Variants in TENM4 observed in about 807,000 individuals in gnomAD.
TENM4 encodes the protein teneurin transmembrane protein 4.
A neutral mutation model predicts 243.3 loss-of-function variants in TENM4; 82 were observed. The observed-to-expected ratio is 0.34, with a 90% CI of 0.28 to 0.40. The LOEUF is 0.40. TENM4 is among the 10% of genes least tolerant of loss of function. The probability of loss-of-function intolerance (pLI) is 1.00; values close to 1 mark genes in which losing one functional copy is unlikely to be tolerated. For synonymous variants in TENM4, 1,412 were observed against 1,456.3 expected, an observed-to-expected ratio of 0.97 and a Z score of 0.69; for missense variants, 3,138 against 3,673.3, an observed-to-expected ratio of 0.85 and a Z score of 3.77.
At chr11:79,090,686 G>A (rs1045706105) in intron 4 of TENM4, among the ~76,000 whole-genome samples, 1 of 152,180 alleles carries the variant, frequency 6.6e-6, no homozygotes, top group African/African-American at 2.4e-5. Context: ...ACTACTTTTG[G>A]CACTTAAGAG....
At chr11:78,998,599 T>C (rs577727745) in intron 6 of TENM4, among the ~76,000 whole-genome samples, 1 of 131,670 alleles carries the variant, frequency 7.6e-6, no homozygotes, top group Non-Finnish European at 1.7e-5. Context: ...TGGGACTCAG[T>C]GGTGTTATCA....
chr11:79,376,622 C>T (rs567900527), intron 1 of TENM4, among the ~76,000 whole-genome samples: 10 of 145,920 alleles, frequency 6.9e-5, no homozygotes, highest in African/African-American at 1.7e-4. Context: ...AATAACTTTT[C>T]GATGAATGAA....
chr11:79,183,313 C>T (rs893109469), intron 3 of TENM4, among the ~76,000 whole-genome samples: 2 of 152,142 alleles, frequency 1.3e-5, no homozygotes, highest in Non-Finnish European at 2.9e-5. Flanking sequence ...GAAAAGTCTA[C>T]ATCCTGCATT....
At chr11:78,838,479 G>A (rs74574349) in intron 12 of TENM4, among the ~76,000 whole-genome samples, 65 of 151,968 alleles carry the variant, frequency 4.3e-4, no homozygotes, top group East Asian at 4.3e-3. Flanking sequence ...AGTCCTCTTC[G>A]ACCCAGAGAT....
At chr11:79,123,611 T>C (rs867867554) in intron 4 of TENM4, among the ~76,000 whole-genome samples, 1,752 of 151,980 alleles carry the variant, frequency 0.012, 39 homozygotes, top group African/African-American at 0.041. Context: ...TTTTTTTTTT[T>C]TTTTATTAAG....
In TENM4 at chr11:79,329,131, A is replaced by G. The variant is rs59205291; in HGVS notation, c.-320-31588T>C. Among the ~76,000 whole-genome samples, 1,170 of 152,274 alleles carry G rather than the reference A, an allele frequency of 7.7e-3. 18 individuals are homozygous for G. The highest frequency in any genetic ancestry group is 0.026 in the African/African-American group (1,085 of 41,556). On this transcript the variant is annotated intron_variant, in intron 1 of 33. Transcript: ENST00000278550. ...GAATTCTGGGCAAGTGGCAGCCTTCACTAGATGAGCATTTTTGTTTTCTCC... is the reference window on the plus strand; with the variant it reads ...GAATTCTGGGCAAGTGGCAGCCTTCGCTAGATGAGCATTTTTGTTTTCTCC...
At position 79,146,811 on chromosome 11, in the gene TENM4, T is replaced by A. The variant is rs188461988; in HGVS notation, c.-66+1899A>T. Among the ~76,000 whole-genome samples, 312 of 152,194 alleles carry A rather than the reference T, an allele frequency of 2.1e-3. 9 individuals are homozygous for A. In the South Asian group the frequency reaches 0.047, roughly 23 times the overall value. On this transcript the variant is annotated intron_variant, in intron 4 of 33. Transcript: ENST00000278550. ...GAAGGCGAAAACTGTACCACTCTTATCAAATAATGTGACCAAGGCCACATA... is the reference window on the plus strand; with the variant it reads ...GAAGGCGAAAACTGTACCACTCTTAACAAATAATGTGACCAAGGCCACATA...
At chr11:79,313,258 C>T (rs1856751218) in intron 1 of TENM4, among the ~76,000 whole-genome samples, 1 of 152,112 alleles carries the variant, frequency 6.6e-6, no homozygotes, top group South Asian at 2.1e-4. Flanking sequence ...TTATTTATTC[C>T]CAGACCTTGT....
At chr11:79,185,760 G>T (rs988709200) in intron 3 of TENM4, among the ~76,000 whole-genome samples, 1 of 152,146 alleles carries the variant, frequency 6.6e-6, no homozygotes. Flanking sequence ...CTTAGAAAAA[G>T]TACATTGGCC....
intron 4 of TENM4, among the ~76,000 whole-genome samples, chr11:79,127,485 T>A (rs1297331766): frequency 7.0e-6 from 1 of 143,838 alleles, no homozygotes; most frequent in Non-Finnish European, 1.6e-5. Context: ...TGGTACCTGG[T>A]ATGCAGCCAT....
chr11:78,702,176 C>T lies in TENM4; in HGVS notation c.4437G>A (p.Gly1479=), dbSNP rs779030377. The change falls in exon 28 of 34, where the codon GGG becomes GGA. Residue 1479 remains glycine (G), a synonymous_variant. Transcript: ENST00000278550. ...SATALAVSHN[G]VLYIAETDEK... is the part of the protein sequence containing the mutation. ...CATCAGTCTCAGCAATATACAGGAC[C>T]CCATTGTGTGAAACAGCCAAAGCGG... The T allele has an allele frequency of 1.9e-6, 3 of 1,613,964 alleles. No homozygotes were observed. The highest frequency in any genetic ancestry group is 1.7e-6 in the Non-Finnish European group (2 of 1,179,898).
intron 4 of TENM4, among the ~76,000 whole-genome samples, chr11:79,086,309 C>T (rs141711808): frequency 0.012 from 1,765 of 152,318 alleles, 34 homozygotes; most frequent in African/African-American, 0.024. Context: ...AACCAACACC[C>T]GGTAGATTAT....
chr11:78,722,510 C>G (rs1175187575), intron 24 of TENM4, among the ~76,000 whole-genome samples, 158 bp downstream of exon 24: 1 of 152,170 alleles, frequency 6.6e-6, no homozygotes, highest in Non-Finnish European at 1.5e-5. Context: ...ACTGGGGAAG[C>G]AGCACCTGCT....
intron 3 of TENM4, among the ~76,000 whole-genome samples, chr11:79,167,795 T>C (rs879350104): frequency 3.9e-5 from 6 of 152,150 alleles, no homozygotes; most frequent in Admixed American, 3.9e-4. Flanking sequence ...CCCAGGTCTA[T>C]CTGACCCTCC....
intron 9 of TENM4, among the ~76,000 whole-genome samples, chr11:78,879,476 G>C (rs1235503982): frequency 1.5e-5 from 2 of 133,566 alleles, no homozygotes; most frequent in African/African-American, 5.7e-5. Flanking sequence ...ACACCGTCTG[G>C]GAGGTGAGGA....
intron 4 of TENM4, among the ~76,000 whole-genome samples, chr11:79,095,845 C>T (rs907619409): frequency 1.4e-4 from 22 of 152,184 alleles, no homozygotes; most frequent in African/African-American, 5.1e-4. Context: ...GTTAATGCCT[C>T]ACAGATAGTA....
chr11:78,785,339 G>C (rs1856913219), intron 16 of TENM4, among the ~76,000 whole-genome samples: 1 of 152,188 alleles, frequency 6.6e-6, no homozygotes, highest in Non-Finnish European at 1.5e-5. Context: ...TGGCTCTGTT[G>C]AGGGTGGAGG....
At chr11:79,145,084 AT>A (rs1268947475) in intron 4 of TENM4, among the ~76,000 whole-genome samples, 1 of 135,956 alleles carries the variant, frequency 7.4e-6, no homozygotes, top group African/African-American at 2.5e-5. Flanking sequence ...AAAACTAAAA[AT>A]TAAAAAAAAT....
chr11:78,921,268 G>A lies in TENM4; in HGVS notation c.494-17745C>T, dbSNP rs151119479. On this transcript the variant is annotated intron_variant, in intron 6 of 33. Transcript: ENST00000278550. ...TATTACTTAGGTCTAGAAAGTAATGGGGGAGATGCCTGGGTCTGTCATGTG... is the reference window on the plus strand; with the variant it reads ...TATTACTTAGGTCTAGAAAGTAATGAGGGAGATGCCTGGGTCTGTCATGTG... Among the ~76,000 whole-genome samples, 162 of 152,302 alleles carry A rather than the reference G, an allele frequency of 1.1e-3. 2 individuals are homozygous for A. The highest frequency in any genetic ancestry group is 3.6e-3 in the African/African-American group (150 of 41,572).
Sources: gnomAD v4.1 joint callset for allele counts (sites outside exome capture counted in the v4.1 genomes callset) on GRCh38, gnomAD v4.1.1 for gene constraint, MANE v1.5 for transcripts, NCBI Gene and HGNC (gene_info 2026-07-23, HGNC 2026-07-21) for gene names.